USH2A: variants seen among roughly 807,000 people sequenced by gnomAD.
USH2A encodes the protein usherin, also known as Usher syndrome 2A (autosomal recessive, mild).
USH2A carries 443 observed loss-of-function variants against 538.9 expected under a neutral mutation model. The ratio of observed to expected loss-of-function variants is 0.82; its 90% CI spans 0.76 to 0.89. The LOEUF (loss-of-function observed/expected upper bound fraction) is 0.89. USH2A is among the 40% of genes least tolerant of loss of function. The pLI, the probability that USH2A is intolerant of heterozygous loss-of-function variation, is 0.00. For missense variants in USH2A, 6,633 were observed against 6,324.8 expected, an observed-to-expected ratio of 1.05 and a Z score of -1.65; for synonymous variants, 2,413 against 2,273.5, an observed-to-expected ratio of 1.06 and a Z score of -1.75.
intron 9 of USH2A, among the ~76,000 whole-genome samples, chr1:216,292,739 C>G (rs867729935): frequency 3.2e-4 from 49 of 152,030 alleles, no homozygotes; most frequent in African/African-American, 1.2e-3. Flanking sequence ...AAGTGTTTAA[C>G]CTTTGTGTTA....
rs758506053 is a variant in USH2A, at chr1:215,900,192, A to G, written c.7477T>C (p.Leu2493=). 6.2e-7 allele frequency: 1 copy of G among 1,613,716 alleles called. No individual in the cohort carries two copies. Among genetic ancestry groups the G allele is most frequent in the Middle Eastern group, 1.7e-4 (1 of 6,058 alleles). ...TGGAGATCACTCACTTCATAGCTTA[A>G]CGATGCAGAAGGATTGGAAAATAAC... is the stretch of plus-strand genomic sequence containing the variant. ...LELFSNPSAS[L]SYEVSDLQPY... The change falls in exon 40 of 72, where the codon TTA becomes CTA. Residue 2493 remains leucine, a synonymous_variant. Transcript: ENST00000307340.
chr1:216,126,388 TA>T (rs1483971946), intron 21 of USH2A, among the ~76,000 whole-genome samples: 1 of 152,110 alleles, frequency 6.6e-6, no homozygotes, highest in Admixed American at 6.6e-5. Context: ...TATGCCTGGC[TA>T]ATTTTTTGTA....
intron 20 of USH2A, among the ~76,000 whole-genome samples, chr1:216,180,075 T>C (rs2102645721): frequency 6.6e-6 from 1 of 152,238 alleles, no homozygotes; most frequent in South Asian, 2.1e-4. Context: ...ATTTGCTTTA[T>C]GTTTTAGAAA....
chr1:215,686,258 G>A (rs138381138), intron 61 of USH2A, among the ~76,000 whole-genome samples: 1 of 152,174 alleles, frequency 6.6e-6, no homozygotes, highest in African/African-American at 2.4e-5. Flanking sequence ...ATTCAGTGTG[G>A]CAGTGCTATA....
chr1:215,751,306 A>G (rs1319890200), intron 58 of USH2A, among the ~76,000 whole-genome samples: 1 of 152,148 alleles, frequency 6.6e-6, no homozygotes, highest in Admixed American at 6.5e-5. Flanking sequence ...AATTCTTGCT[A>G]ATTCCTTCTT....
intron 37 of USH2A, among the ~76,000 whole-genome samples, chr1:215,957,479 C>G (rs765721885): frequency 2.0e-5 from 3 of 152,196 alleles, no homozygotes; most frequent in Non-Finnish European, 4.4e-5. Flanking sequence ...GAAACACTAT[C>G]ACTTGCTGCT....
intron 22 of USH2A, 115 bp from the exon 23 acceptor site, chr1:216,089,254 A>C (rs1167812984): frequency 8.8e-7 from 1 of 1,136,980 alleles, no homozygotes; most frequent in Non-Finnish European, 1.3e-6. Flanking sequence ...TGATACAAGC[A>C]TGCATACATT....
intron 67 of USH2A, among the ~76,000 whole-genome samples, chr1:215,644,502 A>C (rs1656786449): frequency 6.6e-6 from 1 of 152,226 alleles, no homozygotes; most frequent in African/African-American, 2.4e-5. Flanking sequence ...GTTTAGGATT[A>C]AGATTTGGGC....
At chr1:216,335,489 A>G (rs1421341996) in intron 4 of USH2A, among the ~76,000 whole-genome samples, 12 of 151,612 alleles carry the variant, frequency 7.9e-5, no homozygotes, top group Admixed American at 7.9e-4. Context: ...AAACAACAAA[A>G]GTTGATTGTT....
At chr1:215,994,052 A>C (rs1305325488) in intron 34 of USH2A, among the ~76,000 whole-genome samples, 1 of 152,190 alleles carries the variant, frequency 6.6e-6, no homozygotes, top group East Asian at 1.9e-4. Context: ...CTTATATAAC[A>C]ATGATATTTG....
Position 216,284,295 on chromosome 1 carries a change from T to C in USH2A, c.1971+4985A>G, listed in dbSNP as rs957545959. On this transcript the variant is annotated intron_variant, in intron 11 of 71. Coordinates refer to ENST00000307340, the MANE Select transcript of USH2A (RefSeq NM_206933.4). ...CATGGGAGGAACCAGGTGGAGATAA[T>C]TGAATCATGAGGGGCAGTTTCTCCC... is the stretch of plus-strand genomic sequence containing the variant. Among the ~76,000 whole-genome samples, 17 of 152,160 alleles carry C rather than the reference T, an allele frequency of 1.1e-4. No homozygotes were observed. In the East Asian group the frequency reaches 2.7e-3, roughly 24 times the overall value.
chr1:215,826,794 AAAT>A (rs1262661219), intron 47 of USH2A, among the ~76,000 whole-genome samples: 1 of 152,166 alleles, frequency 6.6e-6, no homozygotes, highest in Non-Finnish European at 1.5e-5. Flanking sequence ...CAGCTCCATA[AAAT>A]GGTTATATAA....
intron 70 of USH2A, among the ~76,000 whole-genome samples, chr1:215,630,606 A>C (rs778850937): frequency 1.1e-4 from 17 of 148,744 alleles, no homozygotes; most frequent in Non-Finnish European, 2.4e-4. Context: ...TAATCCCAGC[A>C]ATTTGGGAGG....
intron 14 of USH2A, among the ~76,000 whole-genome samples, chr1:216,218,140 C>T (rs890826509): frequency 6.6e-6 from 1 of 151,778 alleles, no homozygotes; most frequent in Non-Finnish European, 1.5e-5. Flanking sequence ...GTTTTATGAA[C>T]TAAACTTAGT....
rs773761268 is a variant in USH2A, at chr1:215,675,137, T to G, written c.12774A>C (p.Thr4258=). The G allele has an allele frequency of 2.5e-6, 4 of 1,613,970 alleles. No homozygotes were observed. Among genetic ancestry groups the G allele is most frequent in the South Asian group, 2.2e-5 (2 of 91,090 alleles). Residue 4258 remains threonine (T), a synonymous_variant, in exon 63 of 72, where the codon ACA becomes ACC. Coordinates refer to ENST00000307340, the MANE Select transcript of USH2A (RefSeq NM_206933.4). Reference sequence around the variant, plus strand: ...AGAGACCTTCTGGAGGTGCTTGCAATGTCCTCACCACATTCCAAGAGCTAC... The same window carrying G: ...AGAGACCTTCTGGAGGTGCTTGCAAGGTCCTCACCACATTCCAAGAGCTAC... ...HTCSSWNVVR[T]LQAPPEGLSP... is the part of the protein sequence containing the mutation.
intron 59 of USH2A, among the ~76,000 whole-genome samples, chr1:215,742,800 C>T (rs2102727009): frequency 6.6e-6 from 1 of 152,222 alleles, no homozygotes; most frequent in South Asian, 2.1e-4. Flanking sequence ...CTTCTCACTT[C>T]CTCCTCCTGG....
chr1:216,221,093 C>G (rs2035450538), intron 14 of USH2A, among the ~76,000 whole-genome samples: 1 of 152,056 alleles, frequency 6.6e-6, no homozygotes, highest in African/African-American at 2.4e-5. Flanking sequence ...TTGTCGGATA[C>G]AGGAATTAAT....
chr1:215,708,714 C>T (rs901924759), intron 61 of USH2A, among the ~76,000 whole-genome samples: 1 of 152,262 alleles, frequency 6.6e-6, no homozygotes. Context: ...CTGTGCTCCA[C>T]TCCTCAGGTG....
chr1:215,773,486 C>CTGTCTGTCTG (rs1335738486), intron 55 of USH2A, among the ~76,000 whole-genome samples: 4 of 98,994 alleles, frequency 4.0e-5, no homozygotes, highest in African/African-American at 2.3e-4. Flanking sequence ...GTCTCTCTGT[C>CTGTCTGTCTG]TCTCTGTCTC....
Sources: allele counts gnomAD v4.1 joint callset (sites outside exome capture counted in the v4.1 genomes callset), GRCh38; gene constraint gnomAD v4.1.1; transcripts MANE v1.5; gene names NCBI Gene and HGNC (gene_info 2026-07-23, HGNC 2026-07-21).